Variants in COBLL1 observed in about 807,000 individuals in gnomAD.
COBLL1 encodes the protein cordon-bleu protein-like 1.
In COBLL1, 50 loss-of-function variants were observed where a neutral mutation model predicts 94.8. The ratio of observed to expected loss-of-function variants is 0.53; its 90% confidence interval spans 0.42 to 0.67. The LOEUF is 0.67. Among genes scored for constraint, COBLL1 ranks in the 30% least tolerant of loss-of-function variants. COBLL1 has a pLI of 0.00. For synonymous variants in COBLL1, 448 were observed against 473.8 expected (o/e 0.95, Z 0.71); for missense variants, 1,362 against 1,348.7 (o/e 1.01, Z -0.15).
chr2:164,679,018 A>T (rs1682919985), downstream of COBLL1, among the ~76,000 whole-genome samples: 1 of 152,094 alleles, frequency 6.6e-6, no homozygotes, highest in African/African-American at 2.4e-5. Flanking sequence ...TCACATTACC[A>T]ACTCCTATCC....
chr2:164,832,482 A>T (rs3769924), intron 2 of COBLL1, among the ~76,000 whole-genome samples: 20,189 of 152,138 alleles, frequency 0.13, 1,962 homozygotes, highest in African/African-American at 0.28. Flanking sequence ...CATCATATTT[A>T]AAAAAATCAG....
intron 2 of COBLL1, among the ~76,000 whole-genome samples, chr2:164,791,967 G>A (rs1049409798): frequency 6.6e-6 from 1 of 151,658 alleles, no homozygotes; most frequent in East Asian, 1.9e-4. Context: ...ATATTAAAGT[G>A]GGTCAGATAA....
intron 2 of COBLL1, among the ~76,000 whole-genome samples, chr2:164,828,606 A>G (rs1685550154): frequency 6.6e-6 from 1 of 152,180 alleles, no homozygotes; most frequent in Non-Finnish European, 1.5e-5. Context: ...ATATACGTAC[A>G]CCCACTTGCT....
chr2:164,703,090 G>T (rs761394501), intron 9 of COBLL1: 3 of 1,530,794 alleles, frequency 2.0e-6, no homozygotes, highest in Admixed American at 3.4e-5. Context: ...GCCAGGAAAG[G>T]CCTGACCACC....
intron 2 of COBLL1, among the ~76,000 whole-genome samples, chr2:164,833,387 A>G (rs900695838): frequency 6.6e-6 from 1 of 152,122 alleles, no homozygotes; most frequent in African/African-American, 2.4e-5. Context: ...CAAGCTACAA[A>G]TAGAACTAAG....
chr2:164,676,878 C>T (rs1239868062), downstream of COBLL1, among the ~76,000 whole-genome samples: 2 of 152,130 alleles, frequency 1.3e-5, no homozygotes, highest in African/African-American at 4.8e-5. Flanking sequence ...ACCTGCTATT[C>T]ATTTTTAACA....
chr2:164,805,706 CCA>C (rs879496392), intron 2 of COBLL1, among the ~76,000 whole-genome samples: 3 of 151,910 alleles, frequency 2.0e-5, no homozygotes, highest in Admixed American at 6.6e-5. Flanking sequence ...TATGGGTATA[CCA>C]CAGTTTGTGT....
At chr2:164,818,769 C>CATATAT (rs752386836) in intron 2 of COBLL1, among the ~76,000 whole-genome samples, 41 of 139,492 alleles carry the variant, frequency 2.9e-4, no homozygotes, top group African/African-American at 1.0e-3. Context: ...CTTATGTAAA[C>CATATAT]ATATATATAT....
At chr2:164,807,831 T>C (rs1684253502) in intron 2 of COBLL1, among the ~76,000 whole-genome samples, 1 of 152,202 alleles carries the variant, frequency 6.6e-6, no homozygotes, top group African/African-American at 2.4e-5. Context: ...TTTTATTTTA[T>C]TTCATTTTGT....
In COBLL1 at chr2:164,841,164, G is replaced by T; in HGVS notation, c.33C>A (p.Ala11=). ...CGGCGCTCTGGGCTTACCTGGCTGG[G>T]GCGTCCTGCGGGCGCGGGGTTCGGC... MDGRTPRPQD[A]PARRKPKAKA... The change falls in exon 2 of 14, where the codon GCC becomes GCA. Residue 11 remains alanine (A), a synonymous_variant. Transcript: ENST00000652658. This position sits in a 1 kb window ranked among gnomAD's most constrained non-coding sequence, Gnocchi z 5.5. The T allele has an allele frequency of 8.1e-7, 1 of 1,231,496 alleles. No individual in the cohort carries two copies. Among genetic ancestry groups the T allele is most frequent in the Non-Finnish European group, 1.0e-6 (1 of 988,146 alleles). 76.3% of individuals were successfully genotyped at this position (1,231,496 alleles called of 1,614,324 possible).
chr2:164,658,478 G>A (rs1691016896), intron 2 of COBLL1, among the ~76,000 whole-genome samples: 1 of 152,130 alleles, frequency 6.6e-6, no homozygotes, highest in African/African-American at 2.4e-5. Context: ...AGAACGATTT[G>A]TAGTTTTACA....
At chr2:164,837,415 A>C (rs767656970) in intron 2 of COBLL1, 2 of 458,668 alleles carry the variant, frequency 4.4e-6, no homozygotes, top group Non-Finnish European at 9.0e-6. Context: ...TCCACGTTAG[A>C]GAAGGAAATT....
intron 2 of COBLL1, among the ~76,000 whole-genome samples, chr2:164,768,340 G>A (rs926823183): frequency 6.6e-6 from 1 of 152,080 alleles, no homozygotes; most frequent in Non-Finnish European, 1.5e-5. Flanking sequence ...CCTGTGGCCT[G>A]CAGGCCACAT....
intron 7 of COBLL1, chr2:164,718,319 T>C (rs1685278590): frequency 2.4e-6 from 2 of 828,668 alleles, no homozygotes; most frequent in Non-Finnish European, 2.9e-6. Flanking sequence ...CTAAAGTTTA[T>C]CTTTAGAGGA....
At chr2:164,796,206 A>G (rs1193011624) in intron 2 of COBLL1, among the ~76,000 whole-genome samples, 1 of 152,222 alleles carries the variant, frequency 6.6e-6, no homozygotes, top group East Asian at 1.9e-4. Flanking sequence ...AGTGGACACT[A>G]CTTGAAGGTT....
intron 7 of COBLL1, among the ~76,000 whole-genome samples, chr2:164,712,838 A>AG (rs1262315726): frequency 6.6e-6 from 1 of 152,104 alleles, no homozygotes; most frequent in African/African-American, 2.4e-5. Flanking sequence ...TATAATGATG[A>AG]GGAAAAAAAT....
At chr2:164,838,290 A>G (rs1683417725) in intron 2 of COBLL1, among the ~76,000 whole-genome samples, 1 of 152,212 alleles carries the variant, frequency 6.6e-6, no homozygotes, top group African/African-American at 2.4e-5. Context: ...ATCCCTTTTG[A>G]TGTTACAATT....
intron 2 of COBLL1, among the ~76,000 whole-genome samples, chr2:164,826,135 AAG>A (rs1685417579): frequency 1.3e-5 from 2 of 152,238 alleles, no homozygotes; most frequent in Admixed American, 1.3e-4. Context: ...CATCTTACAT[AAG>A]AGAAAAGTGA....
chr2:164,795,516 G>C, intron 2 of COBLL1, among the ~76,000 whole-genome samples: 1 of 152,002 alleles, frequency 6.6e-6, no homozygotes, highest in East Asian at 1.9e-4. Flanking sequence ...AGAGTATCTA[G>C]ATTGACCAAT....
Sources: gnomAD v4.1 joint callset for allele counts (sites outside exome capture counted in the v4.1 genomes callset) on GRCh38, gnomAD v4.1.1 for gene constraint, Gnocchi (gnomAD v3.1) non-coding constraint, MANE v1.5 for transcripts, NCBI Gene and HGNC (gene_info 2026-07-23, HGNC 2026-07-21) for gene names.